Variants in CFAP221 observed in about 807,000 individuals in gnomAD.
CFAP221 encodes cilia and flagella associated protein 221.
In CFAP221, 97 loss-of-function variants were observed where a neutral mutation model predicts 113.1. The ratio of observed to expected loss-of-function variants is 0.86; its 90% CI spans 0.73 to 1.02. The LOEUF is 1.02. CFAP221 is among the 50% of genes least tolerant of loss of function. The pLI, the probability that CFAP221 is intolerant of heterozygous loss-of-function variation, is 0.00. For missense variants in CFAP221, 1,025 were observed against 1,013.4 expected (o/e 1.01, Z -0.16); for synonymous variants, 331 against 354.4 (o/e 0.93, Z 0.74).
In CFAP221 at chr2:119,587,193, A is replaced by G; in HGVS notation, c.602A>G (p.His201Arg). The G allele has an allele frequency of 6.5e-7, 1 of 1,531,968 alleles. No individual in the cohort carries two copies. The highest frequency in any genetic ancestry group is 8.7e-7 in the Non-Finnish European group (1 of 1,144,692). 94.9% of individuals were successfully genotyped at this position (1,531,968 alleles called of 1,614,324 possible). ...FEFYITLIQS[H>R]QAFAIEPTSG... ...TTTTATATCACCTTGATTCAGTCTC[A>G]TCAAGCCTTTGCTATTGAGCCAACA... The change falls in exon 7 of 24, where the codon CAT (histidine) becomes CGT (arginine). Residue 201 changes from histidine to arginine, a missense_variant. His to Arg is a conservative substitution (Grantham distance 29). Transcript: ENST00000413369.
At chr2:119,660,033 C>T (rs1308409858), downstream of CFAP221, 1 of 152,358 alleles carries the variant, frequency 6.6e-6, no homozygotes, top group Non-Finnish European at 1.5e-5. Context: ...CTGGGTGCCC[C>T]ACATTGCATT....
intron 11 of CFAP221, among the ~76,000 whole-genome samples, chr2:119,608,122 A>G (rs1379676509): frequency 6.6e-6 from 1 of 152,040 alleles, no homozygotes; most frequent in East Asian, 1.9e-4. Context: ...TTACATTCCC[A>G]CTAGCAACAT....
rs1339373158 is a variant in CFAP221 at position 119,599,163 on chromosome 2, C to T, written c.632-2055C>T. ...TCATTGAAAGAGTTTGACTTCTGCTCTCAGGAAATTGACGAAGACCTATTT... is the reference window on the plus strand; with the variant it reads ...TCATTGAAAGAGTTTGACTTCTGCTTTCAGGAAATTGACGAAGACCTATTT... On this transcript the variant is annotated intron_variant, in intron 7 of 23. Transcript: ENST00000413369. Among the ~76,000 whole-genome samples the T allele has an allele frequency of 3.3e-5, 5 of 152,282 alleles. 1 individual carries two copies. In the South Asian group the frequency reaches 1.0e-3, roughly 32 times the overall value.
At chr2:119,544,539 T>C (rs1300287097) in intron 1 of CFAP221, 29 bp downstream of exon 1, 1 of 151,776 alleles carries the variant, frequency 6.6e-6, no homozygotes, top group Admixed American at 6.6e-5. Flanking sequence ...GGGGCCCGGG[T>C]GGCCCAGGGT....
In CFAP221 at chr2:119,638,835, C is replaced by G. The variant is rs368056486; in HGVS notation, c.2133+418C>G. 1.6e-4 allele frequency among the ~76,000 whole-genome samples: 24 copies of G among 152,128 alleles called. 1 individual carries two copies. The highest frequency in any genetic ancestry group is 1.4e-3 in the Admixed American group (21 of 15,284). ...GTGGCTCCAAGGAATTACTTCCCCC[C>G]CAGGGAACCACCCTGACCTGAATAT... On this transcript the variant is annotated intron_variant, in intron 20 of 23. Coordinates refer to ENST00000413369, the MANE Select transcript of CFAP221 (RefSeq NM_001271049.2).
chr2:119,626,554 T>G (rs921740074), intron 15 of CFAP221, among the ~76,000 whole-genome samples: 2 of 152,198 alleles, frequency 1.3e-5, no homozygotes, highest in African/African-American at 2.4e-5. Flanking sequence ...GCTGATTGAC[T>G]GGCTGAATTT....
At chr2:119,569,999 G>T (rs1172017560) in intron 6 of CFAP221, among the ~76,000 whole-genome samples, 44 of 152,174 alleles carry the variant, frequency 2.9e-4, no homozygotes, top group Non-Finnish European at 1.5e-5. Flanking sequence ...TGGTTCTGAT[G>T]CTTCCTTTGT....
In CFAP221 at chr2:119,579,306, T is replaced by C. The variant is rs191074158; in HGVS notation, c.528-7813T>C. On this transcript the variant is annotated intron_variant, in intron 6 of 23. Transcript: ENST00000413369. ...ATAACAGGCACGAGATATATATATA[T>C]ACATATATATATGTTTCTTCATTGT... 2.2e-4 allele frequency among the ~76,000 whole-genome samples: 33 copies of C among 152,064 alleles called. 2 individuals are homozygous for C. Among genetic ancestry groups the C allele is most frequent in the East Asian group, 1.4e-3 (7 of 5,182 alleles).
At chr2:119,567,714 C>CT in intron 6 of CFAP221, among the ~76,000 whole-genome samples, 1 of 152,310 alleles carries the variant, frequency 6.6e-6, no homozygotes, top group African/African-American at 2.4e-5. Context: ...TCCAAAATGT[C>CT]TACAGTGATC....
chr2:119,598,851 AG>A (rs1437533575), intron 7 of CFAP221, among the ~76,000 whole-genome samples: 4 of 152,206 alleles, frequency 2.6e-5, no homozygotes, highest in African/African-American at 9.6e-5. Context: ...AAAATAAATC[AG>A]CCGGGTCAAG....
rs1684379029 is a variant in CFAP221 at position 119,601,701 on chromosome 2, T to C, written c.791+324T>C. 3 of 207,134 alleles carry C rather than the reference T, an allele frequency of 1.4e-5. No homozygotes were observed. The South Asian group carries it at 4.8e-4, about 33-fold the overall frequency. The allele number at this position is 207,134 out of a possible 1,614,324, so 12.8% of individuals were successfully genotyped here. ...ATTGCCTAGTCGAAAATTTAAACAATAGGGCCAGAACAACATAACTGTTTT... is the reference window on the plus strand; with the variant it reads ...ATTGCCTAGTCGAAAATTTAAACAACAGGGCCAGAACAACATAACTGTTTT... On this transcript the variant is annotated intron_variant, in intron 8 of 23. Transcript: ENST00000413369.
intron 14 of CFAP221, among the ~76,000 whole-genome samples, chr2:119,623,473 A>G (rs1341281320): frequency 6.6e-6 from 1 of 152,244 alleles, no homozygotes; most frequent in Non-Finnish European, 1.5e-5. Flanking sequence ...TGCTATTCCC[A>G]TCAAGCTGCC....
At chr2:119,570,580 A>C (rs188453599) in intron 6 of CFAP221, among the ~76,000 whole-genome samples, 1 of 152,240 alleles carries the variant, frequency 6.6e-6, no homozygotes, top group Admixed American at 6.5e-5. Context: ...ATCTCTATAA[A>C]TTTGCCTGTT....
intron 16 of CFAP221, among the ~76,000 whole-genome samples, chr2:119,628,247 A>G (rs1686484728): frequency 6.9e-6 from 1 of 144,612 alleles, no homozygotes; most frequent in South Asian, 2.2e-4. Flanking sequence ...CTGACAATCT[A>G]ACCCATCAGA....
intron 11 of CFAP221, among the ~76,000 whole-genome samples, chr2:119,606,353 C>A (rs1480054012): frequency 3.3e-5 from 5 of 151,894 alleles, no homozygotes; most frequent in Non-Finnish European, 7.4e-5. Flanking sequence ...TGAGAGGCTG[C>A]CTACTCCATG....
chr2:119,562,236 C>G, intron 6 of CFAP221, 122 bp downstream of exon 6: 1 of 384,802 alleles, frequency 2.6e-6, no homozygotes, highest in East Asian at 6.3e-5. Context: ...ATAGACTGGA[C>G]TTGTCATTGT....
intron 7 of CFAP221, among the ~76,000 whole-genome samples, chr2:119,593,621 C>T (rs1314739882): frequency 1.3e-5 from 2 of 152,096 alleles, no homozygotes; most frequent in Admixed American, 6.5e-5. Flanking sequence ...GGGCGGATCA[C>T]GAGGTCAGGA....
At chr2:119,605,434 A>G in intron 11 of CFAP221, 145 bp downstream of exon 11, 1 of 680,766 alleles carries the variant, frequency 1.5e-6, no homozygotes, top group Admixed American at 2.8e-5. Flanking sequence ...GTGGTCCTTC[A>G]GTAGGAAGTT....
intron 11 of CFAP221, among the ~76,000 whole-genome samples, chr2:119,605,660 T>C (rs1358806530): frequency 6.6e-6 from 1 of 152,194 alleles, no homozygotes; most frequent in Admixed American, 6.5e-5. Flanking sequence ...CCAGAGGCCT[T>C]CTGGGTAGCC....
Sources: allele counts gnomAD v4.1 joint callset (sites outside exome capture counted in the v4.1 genomes callset), GRCh38; gene constraint gnomAD v4.1.1; transcripts MANE v1.5; gene names NCBI Gene and HGNC (gene_info 2026-07-23, HGNC 2026-07-21).